Variants in ARHGAP15 observed in about 807,000 individuals in gnomAD.
The protein encoded by ARHGAP15 is Rho GTPase activating protein 15.
A neutral mutation model predicts 63.7 loss-of-function variants in ARHGAP15; 51 were observed. The observed-to-expected ratio is 0.80, with a 90% confidence interval of 0.64 to 1.01. The LOEUF (loss-of-function observed/expected upper bound fraction) is 1.01. Ranked by LOEUF, ARHGAP15 falls within the 50% of genes least tolerant of loss-of-function variation. The probability of loss-of-function intolerance (pLI) is 0.00; values close to 1 mark genes in which losing one functional copy is unlikely to be tolerated. For missense variants in ARHGAP15, 560 were observed against 564.6 expected (o/e 0.99, Z 0.08); for synonymous variants, 191 against 193.8 (o/e 0.99, Z 0.12).
At chr2:143,531,696 G>A (rs1694531307) in intron 10 of ARHGAP15, among the ~76,000 whole-genome samples, 1 of 152,164 alleles carries the variant, frequency 6.6e-6, no homozygotes, top group African/African-American at 2.4e-5. Context: ...TGGATATACA[G>A]ATATTGTGTC....
chr2:143,661,458 A>G lies in ARHGAP15; in HGVS notation c.1138+37191A>G, dbSNP rs182300230. Among the ~76,000 whole-genome samples, 166 of 152,338 alleles carry G rather than the reference A, an allele frequency of 1.1e-3. 1 individual carries two copies. Among genetic ancestry groups the G allele is most frequent in the Admixed American group, 9.2e-3 (140 of 15,298 alleles). ...AATTATGAATAGAGGGAGAAGGAATAAATGAGAGAGACAAGGGTACAAAAA... is the reference window on the plus strand; with the variant it reads ...AATTATGAATAGAGGGAGAAGGAATGAATGAGAGAGACAAGGGTACAAAAA... On this transcript the variant is annotated intron_variant, in intron 12 of 13. Transcript: ENST00000295095.
intron 6 of ARHGAP15, among the ~76,000 whole-genome samples, chr2:143,368,825 T>C (rs1333700561): frequency 1.3e-5 from 2 of 152,104 alleles, no homozygotes; most frequent in Admixed American, 1.3e-4. Flanking sequence ...AGCTGTGAAA[T>C]GGCTATTAAG....
chr2:143,448,557 A>G (rs1044085648), intron 8 of ARHGAP15, among the ~76,000 whole-genome samples: 33 of 152,130 alleles, frequency 2.2e-4, no homozygotes, highest in African/African-American at 7.5e-4. Context: ...GAAAGATTCC[A>G]GAGATATCTG....
chr2:143,162,739 T>G (rs1041898705), intron 2 of ARHGAP15, among the ~76,000 whole-genome samples: 2 of 152,178 alleles, frequency 1.3e-5, no homozygotes, highest in African/African-American at 4.8e-5. Context: ...AAAATAACTT[T>G]GGAACCATAG....
intron 9 of ARHGAP15, among the ~76,000 whole-genome samples, chr2:143,507,552 C>A (rs1301423085): frequency 2.6e-5 from 4 of 152,180 alleles, no homozygotes; most frequent in African/African-American, 7.2e-5. Flanking sequence ...GACTATTGGA[C>A]ATTAAACATT....
At chr2:143,398,440 A>C (rs971418928) in intron 6 of ARHGAP15, among the ~76,000 whole-genome samples, 12 of 152,062 alleles carry the variant, frequency 7.9e-5, no homozygotes, top group African/African-American at 2.7e-4. Flanking sequence ...GAAAACACTG[A>C]GGCACACTCA....
intron 8 of ARHGAP15, among the ~76,000 whole-genome samples, chr2:143,447,740 C>G (rs989041347): frequency 6.6e-6 from 1 of 152,142 alleles, no homozygotes; most frequent in African/African-American, 2.4e-5. Context: ...TTTTAAACCT[C>G]GTTTACTTTT....
intron 6 of ARHGAP15, among the ~76,000 whole-genome samples, chr2:143,428,002 C>T (rs867830230): frequency 1.6e-4 from 25 of 152,100 alleles, no homozygotes; most frequent in Admixed American, 1.4e-3. Flanking sequence ...TTCAGCCATG[C>T]ATGTAGACAA....
chr2:143,327,397 T>C (rs1429094968), intron 6 of ARHGAP15, among the ~76,000 whole-genome samples: 2 of 152,156 alleles, frequency 1.3e-5, no homozygotes, highest in African/African-American at 4.8e-5. Flanking sequence ...AAAAAACTAC[T>C]TTAAATTTCA....
At position 143,262,518 on chromosome 2, in the gene ARHGAP15, C is replaced by T. The variant is rs570066995; in HGVS notation, c.474+11918C>T. ...GGAGTCAATCGGACCTTTGTATATGCGGGGTCTGAACCTTTGATTTTTTTT... is the reference window on the plus strand; with the variant it reads ...GGAGTCAATCGGACCTTTGTATATGTGGGGTCTGAACCTTTGATTTTTTTT... On this transcript the variant is annotated intron_variant, in intron 6 of 13. Coordinates refer to ENST00000295095, the MANE Select transcript of ARHGAP15 (RefSeq NM_018460.4). Among the ~76,000 whole-genome samples the T allele has an allele frequency of 5.1e-5, 7 of 137,432 alleles. No homozygotes were observed. The East Asian group carries it at 8.6e-4, about 17-fold the overall frequency. The allele number at this position is 137,432 out of a possible 152,430, so 90.2% of individuals were successfully genotyped here. A position where few individuals can be genotyped will look rare whatever the true frequency, so the allele number is the denominator to read the frequency against.
intron 6 of ARHGAP15, among the ~76,000 whole-genome samples, chr2:143,278,149 C>A (rs575909072): frequency 1.3e-5 from 2 of 152,310 alleles, no homozygotes; most frequent in Admixed American, 6.5e-5. Flanking sequence ...TCATTGACAA[C>A]ACAGTTGTTC....
At position 143,640,242 on chromosome 2, in the gene ARHGAP15, A is replaced by G. The variant is rs1231231891; in HGVS notation, c.1138+15975A>G. On this transcript the variant is annotated intron_variant, in intron 12 of 13. Coordinates refer to ENST00000295095, the MANE Select transcript of ARHGAP15 (RefSeq NM_018460.4). ...GTTGTTTCAAGTAATTCCTCCTAGA[A>G]CAATCCATAGTAGTTAGGAGCAATG... Among the ~76,000 whole-genome samples the G allele has an allele frequency of 3.3e-5, 5 of 152,258 alleles. No homozygotes were observed. In the East Asian group the frequency reaches 9.7e-4, roughly 29 times the overall value.
At chr2:143,159,058 G>A (rs190746751) in intron 2 of ARHGAP15, among the ~76,000 whole-genome samples, 1 of 151,986 alleles carries the variant, frequency 6.6e-6, no homozygotes, top group African/African-American at 2.4e-5. Context: ...AAGCAACAAC[G>A]TGTATGAATA....
intron 6 of ARHGAP15, among the ~76,000 whole-genome samples, chr2:143,281,098 A>G (rs1158417013): frequency 1.3e-5 from 2 of 152,164 alleles, no homozygotes; most frequent in Non-Finnish European, 2.9e-5. Flanking sequence ...CAAGAAAAGT[A>G]ACAAAGATTC....
At chr2:143,627,607 A>G (rs1416434723) in intron 12 of ARHGAP15, among the ~76,000 whole-genome samples, 1 of 152,102 alleles carries the variant, frequency 6.6e-6, no homozygotes, top group African/African-American at 2.4e-5. Context: ...GTAAAAATCT[A>G]TGCAGTGAGA....
At chr2:143,746,937 G>A (rs1004666282) in intron 13 of ARHGAP15, among the ~76,000 whole-genome samples, 2 of 152,116 alleles carry the variant, frequency 1.3e-5, no homozygotes, top group African/African-American at 4.8e-5. Flanking sequence ...TGGCCATAAG[G>A]ATACATGAGC....
chr2:143,579,711 G>A (rs1022896381), intron 11 of ARHGAP15, among the ~76,000 whole-genome samples: 11 of 151,760 alleles, frequency 7.2e-5, no homozygotes, highest in African/African-American at 2.7e-4. Context: ...GAATAGTGCT[G>A]ATCATGCAAC....
intron 6 of ARHGAP15, among the ~76,000 whole-genome samples, chr2:143,288,022 C>T (rs1682196066): frequency 1.3e-5 from 2 of 152,104 alleles, no homozygotes; most frequent in South Asian, 4.2e-4. Flanking sequence ...CCTGGTATTC[C>T]CTGATGGTTC....
intron 1 of ARHGAP15, among the ~76,000 whole-genome samples, chr2:143,136,412 T>C (rs1326960235): frequency 6.6e-6 from 1 of 152,080 alleles, no homozygotes; most frequent in African/African-American, 2.4e-5. Flanking sequence ...TGGATGAACA[T>C]CAAACTTTAG....
Sources: gnomAD v4.1 joint callset for allele counts (sites outside exome capture counted in the v4.1 genomes callset) on GRCh38, gnomAD v4.1.1 for gene constraint, MANE v1.5 for transcripts, NCBI Gene and HGNC (gene_info 2026-07-23, HGNC 2026-07-21) for gene names.